SMURF1: variants seen among roughly 807,000 people sequenced by gnomAD.
The protein encoded by SMURF1 is SMAD specific E3 ubiquitin protein ligase 1.
A neutral mutation model predicts 98.0 loss-of-function variants in SMURF1; 44 were observed. The ratio of observed to expected loss-of-function variants is 0.45; its 90% CI spans 0.35 to 0.58. SMURF1 has a LOEUF of 0.58. SMURF1 is among the 20% of genes least tolerant of loss of function. The probability of loss-of-function intolerance (pLI) is 0.00; values close to 1 mark genes in which losing one functional copy is unlikely to be tolerated. For synonymous variants in SMURF1, 396 were observed against 374.9 expected (o/e 1.06, Z -0.65); for missense variants, 687 against 938.4 (o/e 0.73, Z 3.50).
chr7:99,128,748 C>T (rs574085022), intron 1 of SMURF1, among the ~76,000 whole-genome samples: 111 of 152,334 alleles, frequency 7.3e-4, no homozygotes, highest in African/African-American at 2.6e-3. Context: ...GTTCGTGCTA[C>T]TCTAAGAGGT....
intron 1 of SMURF1, among the ~76,000 whole-genome samples, chr7:99,077,986 T>C (rs1796501644): frequency 6.6e-6 from 1 of 152,128 alleles, no homozygotes; most frequent in Non-Finnish European, 1.5e-5. Flanking sequence ...GCTTTTCATG[T>C]CTTTATTTAA....
At chr7:99,117,273 G>T (rs1442544943) in intron 1 of SMURF1, among the ~76,000 whole-genome samples, 1 of 152,064 alleles carries the variant, frequency 6.6e-6, no homozygotes, top group Non-Finnish European at 1.5e-5. Flanking sequence ...AAAACATAGA[G>T]GTAAATTAGT....
At chr7:99,060,176 A>C (rs533608839) in intron 3 of SMURF1, among the ~76,000 whole-genome samples, 1 of 151,808 alleles carries the variant, frequency 6.6e-6, no homozygotes, top group Admixed American at 6.6e-5. Context: ...TCAGGAGTTC[A>C]AGACCAGCCT....
chr7:99,108,196 CCT>C (rs1797234328), intron 1 of SMURF1, among the ~76,000 whole-genome samples: 1 of 152,068 alleles, frequency 6.6e-6, no homozygotes, highest in African/African-American at 2.4e-5. Context: ...CCAGGCATTC[CCT>C]GTTACGCCCT....
intron 1 of SMURF1, 109 bp downstream of exon 1, chr7:99,143,617 T>A: frequency 1.2e-6 from 1 of 842,730 alleles, no homozygotes; most frequent in Non-Finnish European, 1.6e-6. Flanking sequence ...GACGAGGTCC[T>A]GGGACAACGG....
intron 1 of SMURF1, among the ~76,000 whole-genome samples, chr7:99,142,490 A>G (rs1798147268): frequency 6.6e-6 from 1 of 151,468 alleles, no homozygotes; most frequent in African/African-American, 2.4e-5. Flanking sequence ...GGGAGCAGCT[A>G]CAAGATAGGA....
intron 1 of SMURF1, among the ~76,000 whole-genome samples, chr7:99,140,335 GA>G (rs1563047436): frequency 8.0e-6 from 1 of 124,420 alleles, no homozygotes; most frequent in African/African-American, 3.1e-5. Context: ...TGCCCAGGCT[GA>G]AGTGCAGTGG....
chr7:99,129,980 A>G (rs566522267), intron 1 of SMURF1, among the ~76,000 whole-genome samples: 2 of 152,374 alleles, frequency 1.3e-5, no homozygotes, highest in Admixed American at 6.5e-5. Context: ...CTGATAATCA[A>G]CTATCCTATA....
chr7:99,057,379 T>C (rs747065836), intron 4 of SMURF1, 39 bp downstream of exon 4: 1 of 1,612,304 alleles, frequency 6.2e-7, no homozygotes, highest in Non-Finnish European at 8.5e-7. Context: ...TAAGCTTTCT[T>C]TGGTTGCATT....
chr7:99,099,983 C>T (rs868540990), intron 1 of SMURF1, among the ~76,000 whole-genome samples: 1 of 152,186 alleles, frequency 6.6e-6, no homozygotes. Flanking sequence ...GGACAGCCAC[C>T]AGTGCCTTTC....
At chr7:99,037,283 G>T (rs988738915) in intron 14 of SMURF1, 96 bp from the exon 15 acceptor site, 50 of 1,506,322 alleles carry the variant, frequency 3.3e-5, no homozygotes, top group Admixed American at 1.5e-4. Context: ...TGTCACCCAG[G>T]CTGGAGTGCA....
intron 5 of SMURF1, among the ~76,000 whole-genome samples, chr7:99,055,299 C>G (rs1420948402): frequency 6.6e-6 from 1 of 151,670 alleles, no homozygotes; most frequent in East Asian, 2.0e-4. Context: ...AAAACCCCAT[C>G]TCTACTAAAA....
At chr7:99,103,892 C>CT (rs1247182195) in intron 1 of SMURF1, among the ~76,000 whole-genome samples, 7,736 of 145,200 alleles carry the variant, frequency 0.053, 303 homozygotes, top group East Asian at 0.19. Flanking sequence ...CGGGCCACAA[C>CT]TTTTTTTTTT....
At chr7:99,120,562 C>T (rs1170770684) in intron 1 of SMURF1, 2 of 151,742 alleles carry the variant, frequency 1.3e-5, no homozygotes, top group African/African-American at 2.4e-5. Flanking sequence ...GGCAGAATCT[C>T]CCAAAGAAGC....
chr7:99,110,272 T>G (rs1019887481), intron 1 of SMURF1, among the ~76,000 whole-genome samples: 3 of 152,148 alleles, frequency 2.0e-5, no homozygotes, highest in Non-Finnish European at 4.4e-5. Flanking sequence ...TAAAACCATA[T>G]GAAGAAAGTT....
intron 1 of SMURF1, among the ~76,000 whole-genome samples, chr7:99,065,261 A>AT (rs140076370): frequency 0.071 from 10,769 of 151,944 alleles, 565 homozygotes; most frequent in Middle Eastern, 0.13. Context: ...CACTTGGATA[A>AT]TTTTTTTGTA....
At chr7:99,099,712 G>A (rs532453932) in intron 1 of SMURF1, among the ~76,000 whole-genome samples, 5 of 152,228 alleles carry the variant, frequency 3.3e-5, no homozygotes, top group East Asian at 3.9e-4. Flanking sequence ...TCACTCTCAC[G>A]GAATGGATTC....
At chr7:99,100,225 A>G (rs1007135452) in intron 1 of SMURF1, among the ~76,000 whole-genome samples, 5 of 152,232 alleles carry the variant, frequency 3.3e-5, no homozygotes, top group East Asian at 3.8e-4. Context: ...CCTAGTAAGA[A>G]AGTAAGAACG....
intron 1 of SMURF1, among the ~76,000 whole-genome samples, chr7:99,085,100 C>A (rs906761764): frequency 1.3e-5 from 2 of 151,982 alleles, no homozygotes; most frequent in Non-Finnish European, 2.9e-5. Context: ...CCTATAATCC[C>A]AGCACTTTGG....
Sources: gnomAD v4.1 joint callset for allele counts (sites outside exome capture counted in the v4.1 genomes callset) on GRCh38, gnomAD v4.1.1 for gene constraint, MANE v1.5 for transcripts, NCBI Gene and HGNC (gene_info 2026-07-23, HGNC 2026-07-21) for gene names.